The following PANX1 variants were observed in gnomAD, a reference collection of about 807,000 sequenced individuals.
PANX1 encodes the protein pannexin 1, also known as pannexin-1.
In PANX1, 30 loss-of-function variants were observed where a neutral mutation model predicts 38.7. That is an observed-to-expected ratio of 0.78 (90% CI 0.58 to 1.05). The LOEUF (loss-of-function observed/expected upper bound fraction) is 1.05. Ranked by LOEUF, PANX1 falls within the 50% of genes least tolerant of loss-of-function variation. The pLI is 0.00. For synonymous variants in PANX1, 230 were observed against 212.2 expected (o/e 1.08, Z -0.73); for missense variants, 551 against 517.2 (o/e 1.07, Z -0.63).
Position 94,181,307 on chromosome 11 carries a change from T to C in PANX1, c.*438T>C, listed in dbSNP as rs1947304266. 1 of 161,326 alleles carries C rather than the reference T, an allele frequency of 6.2e-6. No individual in the cohort carries two copies. The highest frequency in any genetic ancestry group is 2.4e-5 in the African/African-American group (1 of 41,724). The allele number at this position is 161,326 out of a possible 1,614,324, so 10.0% of individuals were successfully genotyped here. A position where few individuals can be genotyped will look rare whatever the true frequency, so the allele number is the denominator to read the frequency against. ...AGGGTATAATTTAACGTGAGTTTCT[T>C]ATGTGCCCTTAAAGACTGTTAGACA... On this transcript the variant is annotated 3_prime_UTR_variant, in exon 5 of 5. Coordinates refer to ENST00000227638, the MANE Select transcript of PANX1 (RefSeq NM_015368.4).
Position 94,180,086 on chromosome 11 carries a change from T to G in PANX1, c.1030T>G (p.Ser344Ala), listed in dbSNP as rs752422124. 1 of 1,613,960 alleles carries G rather than the reference T, an allele frequency of 6.2e-7. No individual in the cohort carries two copies. ...FLEENISEVK[S>A]YKCLKVLENI... ...GGAGGAAAATATAAGTGAGGTCAAGTCATACAAGTGTCTTAAGGTACTGGA... is the reference window on the plus strand; with the variant it reads ...GGAGGAAAATATAAGTGAGGTCAAGGCATACAAGTGTCTTAAGGTACTGGA... The change falls in exon 4 of 5, where the codon TCA (serine) becomes GCA (alanine). Residue 344 changes from serine (S) to alanine (A), a missense_variant. Ser to Ala is a moderately conservative substitution (Grantham distance 99). Coordinates refer to ENST00000227638, the MANE Select transcript of PANX1 (RefSeq NM_015368.4).
intron 2 of PANX1, among the ~76,000 whole-genome samples, chr11:94,161,017 G>A (rs1167266076): frequency 6.6e-6 from 1 of 152,172 alleles, no homozygotes; most frequent in Non-Finnish European, 1.5e-5. Flanking sequence ...ATTCTGGGTT[G>A]AAAATTCTTT....
intron 2 of PANX1, among the ~76,000 whole-genome samples, chr11:94,162,272 A>C (rs970526253): frequency 1.3e-5 from 2 of 152,212 alleles, no homozygotes; most frequent in Admixed American, 6.5e-5. Flanking sequence ...TTAAGTCTGC[A>C]GAGGTTTCTG....
In PANX1 at chr11:94,129,243, A is replaced by G; in HGVS notation, c.-70A>G. The G allele has an allele frequency of 7.2e-7, 1 of 1,391,564 alleles. No homozygotes were observed. Among genetic ancestry groups the G allele is most frequent in the East Asian group, 2.5e-5 (1 of 39,908 alleles). 86.2% of individuals were successfully genotyped at this position (1,391,564 alleles called of 1,614,324 possible). A position where few individuals can be genotyped will look rare whatever the true frequency, so the allele number is the denominator to read the frequency against. On this transcript the variant is annotated 5_prime_UTR_variant, in exon 1 of 5. It removes the in-frame stop codon of an upstream open reading frame in the 5' UTR. Coordinates refer to ENST00000227638, the MANE Select transcript of PANX1 (RefSeq NM_015368.4). ...CGCGCGCCCGGCCGGTGACTGGGTGAAGGCGCCGCGCAGCTTTCCCGACGC... is the reference window on the plus strand; with the variant it reads ...CGCGCGCCCGGCCGGTGACTGGGTGGAGGCGCCGCGCAGCTTTCCCGACGC...
chr11:94,157,290 T>C (rs980573260), intron 2 of PANX1, among the ~76,000 whole-genome samples: 2 of 152,190 alleles, frequency 1.3e-5, no homozygotes, highest in Non-Finnish European at 2.9e-5. Flanking sequence ...TTTCTAGTTC[T>C]AGATCCCTGA....
chr11:94,170,731 C>T (rs1947155920), intron 2 of PANX1, among the ~76,000 whole-genome samples: 1 of 151,768 alleles, frequency 6.6e-6, no homozygotes, highest in Non-Finnish European at 1.5e-5. Context: ...GGTGAGCCCA[C>T]ATCCTTCTTC....
At chr11:94,132,465 G>A (rs950765690) in intron 1 of PANX1, among the ~76,000 whole-genome samples, 4 of 152,164 alleles carry the variant, frequency 2.6e-5, no homozygotes, top group South Asian at 2.1e-4. Context: ...AAGCTGAGAC[G>A]TGTGAGACAA....
chr11:94,129,339 G>A lies in PANX1; in HGVS notation c.27G>A (p.Glu9=). 2.5e-6 allele frequency: 4 copies of A among 1,613,692 alleles called. No homozygotes were observed. Among genetic ancestry groups the A allele is most frequent in the Non-Finnish European group, 3.4e-6 (4 of 1,179,710 alleles). The change falls in exon 1 of 5, where the codon GAG becomes GAA. Residue 9 remains glutamate (E), a synonymous_variant. Coordinates refer to ENST00000227638, the MANE Select transcript of PANX1 (RefSeq NM_015368.4). Reference sequence around the variant, plus strand: ...TGGCCATCGCTCAACTGGCCACGGAGTACGTGTTCTCGGATTTCTTGCTGA... The same window carrying A: ...TGGCCATCGCTCAACTGGCCACGGAATACGTGTTCTCGGATTTCTTGCTGA... MAIAQLAT[E]YVFSDFLLKE...
At chr11:94,161,530 G>C (rs1187206547) in intron 2 of PANX1, among the ~76,000 whole-genome samples, 7 of 152,120 alleles carry the variant, frequency 4.6e-5, no homozygotes, top group Non-Finnish European at 1.0e-4. Context: ...TGAGGCTTGT[G>C]CATTTGTCAG....
chr11:94,172,409 A>C (rs1369828759), intron 2 of PANX1, among the ~76,000 whole-genome samples: 1 of 151,772 alleles, frequency 6.6e-6, no homozygotes, highest in Non-Finnish European at 1.5e-5. Context: ...TGCATTTATA[A>C]CAGACTGCCA....
rs538977072 is a variant in PANX1 at position 94,172,411 on chromosome 11, A to T, written c.322-5958A>T. Among the ~76,000 whole-genome samples the T allele has an allele frequency of 3.1e-4, 47 of 151,934 alleles. 2 individuals carry two copies. In the South Asian group the frequency reaches 9.3e-3, roughly 30 times the overall value. On this transcript the variant is annotated intron_variant, in intron 2 of 4. Coordinates refer to ENST00000227638, the MANE Select transcript of PANX1 (RefSeq NM_015368.4). ...GGACCTGCAATTCTGCATTTATAAC[A>T]GACTGCCAGGTGATAACTGAGGTTT...
intron 1 of PANX1, among the ~76,000 whole-genome samples, chr11:94,131,172 A>G (rs553704922): frequency 6.6e-6 from 1 of 152,226 alleles, no homozygotes; most frequent in African/African-American, 2.4e-5. Flanking sequence ...TTGGAGGTGC[A>G]AGTCTTGGGT....
chr11:94,162,610 A>G (rs1245951621), intron 2 of PANX1, among the ~76,000 whole-genome samples: 1 of 152,164 alleles, frequency 6.6e-6, no homozygotes, highest in African/African-American at 2.4e-5. Flanking sequence ...TCCAGGTGCC[A>G]TCTTTCACCC....
At chr11:94,167,110 T>G (rs1365672145) in intron 2 of PANX1, among the ~76,000 whole-genome samples, 1 of 152,164 alleles carries the variant, frequency 6.6e-6, no homozygotes, top group Non-Finnish European at 1.5e-5. Flanking sequence ...GGCAGAAGTC[T>G]GCCTGGTGTT....
At chr11:94,161,627 T>A (rs1291612083) in intron 2 of PANX1, among the ~76,000 whole-genome samples, 1 of 152,162 alleles carries the variant, frequency 6.6e-6, no homozygotes, top group Non-Finnish European at 1.5e-5. Context: ...TTTGTCTAAT[T>A]TTTTTTCAAG....
intron 1 of PANX1, among the ~76,000 whole-genome samples, chr11:94,135,145 G>C (rs1946673789): frequency 6.6e-6 from 1 of 152,178 alleles, no homozygotes; most frequent in Admixed American, 6.5e-5. Flanking sequence ...TGGGGAGCTG[G>C]GGCAGCCAGT....
At chr11:94,141,825 G>A (rs1198201832) in intron 1 of PANX1, among the ~76,000 whole-genome samples, 1 of 152,064 alleles carries the variant, frequency 6.6e-6, no homozygotes, top group Non-Finnish European at 1.5e-5. Flanking sequence ...TCAGTAAATG[G>A]GGCAGTAATA....
In PANX1 at chr11:94,178,696, A is replaced by G. The variant is rs1014098426; in HGVS notation, c.545+104A>G. 7.2e-6 allele frequency: 6 copies of G among 830,402 alleles called. No homozygotes were observed. The African/African-American group carries it at 1.0e-4, about 14-fold the overall frequency. 51.4% of individuals were successfully genotyped at this position (830,402 alleles called of 1,614,324 possible). A position where few individuals can be genotyped will look rare whatever the true frequency, so the allele number is the denominator to read the frequency against. ...AGTTCTCATTGCTAGGAGGCGGGGC[A>G]GGAGTGGAAGCAGGGGGACGTCATG... is the stretch of plus-strand genomic sequence containing the variant. On this transcript the variant is annotated intron_variant, in intron 3 of 4. Coordinates refer to ENST00000227638, the MANE Select transcript of PANX1 (RefSeq NM_015368.4).
At chr11:94,167,519 C>G (rs1947116371) in intron 2 of PANX1, among the ~76,000 whole-genome samples, 2 of 152,128 alleles carry the variant, frequency 1.3e-5, no homozygotes, top group Non-Finnish European at 2.9e-5. Context: ...TAGGAAATAA[C>G]TAGATGTACA....
Sources: allele counts gnomAD v4.1 joint callset (sites outside exome capture counted in the v4.1 genomes callset), GRCh38; gene constraint gnomAD v4.1.1; transcripts MANE v1.5; gene names NCBI Gene and HGNC (gene_info 2026-07-23, HGNC 2026-07-21).